ZNF599: variants seen among roughly 807,000 people sequenced by gnomAD.
ZNF599 encodes the protein zinc finger protein 599.
A neutral mutation model predicts 11.7 loss-of-function variants in ZNF599; 10 were observed. That is an observed-to-expected ratio of 0.86 (90% CI 0.53 to 1.45). The LOEUF (loss-of-function observed/expected upper bound fraction) is 1.45, where lower values mean the gene tolerates loss of function less well. Ranked by LOEUF, ZNF599 falls within the 40% of genes most tolerant of loss-of-function variation. The pLI, the probability that ZNF599 is intolerant of heterozygous loss-of-function variation, is 0.00. For synonymous variants in ZNF599, 232 were observed against 253.2 expected (o/e 0.92, Z 0.79); for missense variants, 688 against 713.6 (o/e 0.96, Z 0.41).
chr19:34,806,071 G>A, the ZNF599 span, among the ~76,000 whole-genome samples: 54 of 152,284 alleles, frequency 3.5e-4, no homozygotes, highest in African/African-American at 1.0e-3. Context: ...CTATAGCCAC[G>A]TGGATGGAAG....
chr19:34,764,599 A>T (rs1254196710), intron 3 of ZNF599: 1 of 152,242 alleles, frequency 6.6e-6, no homozygotes, highest in Non-Finnish European at 1.5e-5. Flanking sequence ...CTCCAACTAT[A>T]TGCAACCACA....
At chr19:34,769,824 A>G (rs1235052177) in intron 1 of ZNF599, among the ~76,000 whole-genome samples, 1 of 152,238 alleles carries the variant, frequency 6.6e-6, no homozygotes, top group Admixed American at 6.5e-5. Flanking sequence ...GTCCTAGGAC[A>G]TTACAAGAAT....
the ZNF599 span, among the ~76,000 whole-genome samples, chr19:34,789,255 C>A: frequency 1.6e-4 from 25 of 152,160 alleles, no homozygotes; most frequent in Non-Finnish European, 2.8e-4. Context: ...CCAATCATAT[C>A]TCGATGAACA....
intron 3 of ZNF599, among the ~76,000 whole-genome samples, chr19:34,766,486 C>T (rs1174525917): frequency 6.6e-6 from 1 of 152,156 alleles, no homozygotes; most frequent in African/African-American, 2.4e-5. Flanking sequence ...CTTCTGAATG[C>T]AGAAGAATGT....
the ZNF599 span, among the ~76,000 whole-genome samples, chr19:34,799,092 T>C: frequency 6.6e-6 from 1 of 152,078 alleles, no homozygotes; most frequent in African/African-American, 2.4e-5. Flanking sequence ...AACCTCCACC[T>C]CCTGGACTCA....
chr19:34,784,869 C>T, the ZNF599 span, among the ~76,000 whole-genome samples: 1 of 150,812 alleles, frequency 6.6e-6, no homozygotes, highest in South Asian at 2.1e-4. Context: ...TCTTTCCTTT[C>T]TTTCAACATA....
In ZNF599 at chr19:34,772,936, A is replaced by C; in HGVS notation, c.-95T>G. 7.5e-7 allele frequency: 1 copy of C among 1,327,020 alleles called. No individual in the cohort carries two copies. Among genetic ancestry groups the C allele is most frequent in the South Asian group, 1.6e-5 (1 of 61,106 alleles). 82.2% of individuals were successfully genotyped at this position (1,327,020 alleles called of 1,614,324 possible). ...GGGCTCCGGCTCTGGGCTGCGAGGG[A>C]CCTCAGTCCCCGCCGTCGTGTAAAA... On this transcript the variant is annotated 5_prime_UTR_variant, in exon 1 of 4. Transcript: ENST00000329285.
chr19:34,775,515 A>G (rs1260744240), upstream of ZNF599, among the ~76,000 whole-genome samples: 1 of 152,214 alleles, frequency 6.6e-6, no homozygotes, highest in Non-Finnish European at 1.5e-5. Flanking sequence ...CAGCCGATTG[A>G]TATCTAAGGG....
chr19:34,768,347 A>C (rs909663185), intron 2 of ZNF599, among the ~76,000 whole-genome samples: 2 of 152,166 alleles, frequency 1.3e-5, no homozygotes, highest in African/African-American at 4.8e-5. Context: ...TCGACAACTA[A>C]TCACAGTTGT....
the ZNF599 span, among the ~76,000 whole-genome samples, chr19:34,787,226 ATC>A: frequency 2.6e-5 from 1 of 38,842 alleles, no homozygotes; most frequent in Admixed American, 1.9e-4. Context: ...TTTTATCATC[ATC>A]ATCATCATCA....
At chr19:34,769,295 G>A in intron 2 of ZNF599, 134 bp downstream of exon 2, 1 of 1,171,358 alleles carries the variant, frequency 8.5e-7, no homozygotes, top group Non-Finnish European at 1.2e-6. Flanking sequence ...GCAAGAGGAG[G>A]TCAGACCACA....
At chr19:34,766,855 C>T (rs1383452849) in intron 3 of ZNF599, 1 of 153,468 alleles carries the variant, frequency 6.5e-6, no homozygotes, top group African/African-American at 2.4e-5. Context: ...AACCTTAAAG[C>T]TGCATATTGA....
intron 3 of ZNF599, chr19:34,764,156 GT>G (rs2069128664): frequency 6.6e-6 from 1 of 152,162 alleles, no homozygotes. Context: ...GTAGACCACT[GT>G]CTATTATCAT....
At chr19:34,800,586 G>GTTT in the ZNF599 span, among the ~76,000 whole-genome samples, 3,500 of 112,986 alleles carry the variant, frequency 0.031, 278 homozygotes, top group African/African-American at 0.042. Context: ...CATTTCCTTT[G>GTTT]TTTTTTTTTT....
At chr19:34,760,641 G>GA in intron 3 of ZNF599, 82 bp from the exon 4 acceptor site, 1 of 1,289,506 alleles carries the variant, frequency 7.8e-7, no homozygotes, top group South Asian at 1.5e-5. Flanking sequence ...GCAGAAGAAT[G>GA]AAGGTGAAAA....
upstream of ZNF599, among the ~76,000 whole-genome samples, chr19:34,777,465 T>TGA (rs1310560062): frequency 9.3e-5 from 9 of 96,376 alleles, no homozygotes; most frequent in African/African-American, 3.8e-4. Context: ...ATATAATATA[T>TGA]TATATATTAA....
intron 2 of ZNF599, among the ~76,000 whole-genome samples, chr19:34,768,915 C>T (rs2069163332): frequency 6.6e-6 from 1 of 152,222 alleles, no homozygotes; most frequent in Admixed American, 6.5e-5. Flanking sequence ...TCATAATCAT[C>T]TCCTGTAGCA....
In ZNF599 at chr19:34,759,655, G is replaced by A; in HGVS notation, c.1146C>T (p.Phe382=). The change falls in exon 4 of 4, where the codon TTC becomes TTT. Residue 382 remains phenylalanine (F), a synonymous_variant. Transcript: ENST00000329285. ...CAGTGTGAATCCTCATGTGCTGAGT[G>A]AAGGATGAGTTGAGGCAAAAGGTTT... ...CGKTFCLNSS[F]TQHMRIHTGE... The A allele has an allele frequency of 6.2e-7, 1 of 1,613,888 alleles. No homozygotes were observed. Among genetic ancestry groups the A allele is most frequent in the East Asian group, 2.2e-5 (1 of 44,866 alleles).
chr19:34,801,435 G>C, the ZNF599 span, among the ~76,000 whole-genome samples: 1 of 152,216 alleles, frequency 6.6e-6, no homozygotes, highest in African/African-American at 2.4e-5. Flanking sequence ...TGAATTCACT[G>C]GTGAGGAACA....
Sources: gnomAD v4.1 joint callset for allele counts (sites outside exome capture counted in the v4.1 genomes callset) on GRCh38, gnomAD v4.1.1 for gene constraint, MANE v1.5 for transcripts, NCBI Gene and HGNC (gene_info 2026-07-23, HGNC 2026-07-21) for gene names.